Variants in SEZ6L observed in about 807,000 individuals in gnomAD.
SEZ6L encodes seizure 6-like protein.
A neutral mutation model predicts 106.2 loss-of-function variants in SEZ6L; 37 were observed. The ratio of observed to expected loss-of-function variants is 0.35; its 90% confidence interval spans 0.27 to 0.46. The LOEUF is 0.46. Ranked by LOEUF, SEZ6L falls within the 20% of genes least tolerant of loss-of-function variation. The pLI is 1.00. For synonymous variants in SEZ6L, 541 were observed against 570.4 expected, an observed-to-expected ratio of 0.95 and a Z score of 0.73; for missense variants, 1,172 against 1,332.8, an observed-to-expected ratio of 0.88 and a Z score of 1.88.
chr22:26,269,579 C>T (rs941739528), intron 1 of SEZ6L, among the ~76,000 whole-genome samples: 2 of 152,214 alleles, frequency 1.3e-5, no homozygotes, highest in African/African-American at 2.4e-5. Flanking sequence ...AGCTCCCGTC[C>T]TTGCCTTTAT....
chr22:26,382,587 A>T lies in SEZ6L; in HGVS notation c.*2292A>T, dbSNP rs1322104235. 6.6e-6 allele frequency: 1 copy of T among 152,584 alleles called. No homozygotes were observed. The highest frequency in any genetic ancestry group is 6.5e-5 in the Admixed American group (1 of 15,286). The allele number at this position is 152,584 out of a possible 1,614,324, so 9.5% of individuals were successfully genotyped here. A position where few individuals can be genotyped will look rare whatever the true frequency, so the allele number is the denominator to read the frequency against. ...ACCAGTGTCTCAGTTCTGTCTTAGT[A>T]GTACCACACCCGTAACCGTGTTTTA... On this transcript the variant is annotated 3_prime_UTR_variant, in exon 17 of 17. Coordinates refer to ENST00000248933, the MANE Select transcript of SEZ6L (RefSeq NM_021115.5).
At chr22:26,278,323 G>A (rs1000775583) in intron 1 of SEZ6L, among the ~76,000 whole-genome samples, 12 of 152,190 alleles carry the variant, frequency 7.9e-5, no homozygotes, top group African/African-American at 2.7e-4. Flanking sequence ...GGGGGTCCAG[G>A]TGCAATGTGT....
intron 9 of SEZ6L, among the ~76,000 whole-genome samples, chr22:26,333,352 A>G (rs1368776995): frequency 6.6e-6 from 1 of 152,228 alleles, no homozygotes; most frequent in Non-Finnish European, 1.5e-5. Context: ...ATGGCCAACA[A>G]GAAGCCCTAG....
chr22:26,297,178 C>G, intron 4 of SEZ6L, 98 bp downstream of exon 4: 1 of 979,710 alleles, frequency 1.0e-6, no homozygotes, highest in South Asian at 2.1e-5. Context: ...ACCTCTCTGA[C>G]AGTTTGGTAA....
At chr22:26,222,986 CA>C (rs11344783) in intron 1 of SEZ6L, among the ~76,000 whole-genome samples, 84,477 of 146,922 alleles carry the variant, frequency 0.57, 24,426 homozygotes, top group African/African-American at 0.72. Context: ...CAGCCTCCCA[CA>C]AAAAAAAAAA....
intron 1 of SEZ6L, among the ~76,000 whole-genome samples, chr22:26,277,256 A>C (rs1489330026): frequency 6.6e-6 from 1 of 152,084 alleles, no homozygotes; most frequent in African/African-American, 2.4e-5. Flanking sequence ...GAGCCACTGC[A>C]CCCAGACTGA....
At chr22:26,302,065 C>T (rs1187062827) in intron 5 of SEZ6L, among the ~76,000 whole-genome samples, 1 of 152,164 alleles carries the variant, frequency 6.6e-6, no homozygotes, top group African/African-American at 2.4e-5. Context: ...TTCACTTGAA[C>T]TCAGGGAGAT....
chr22:26,317,458 C>G (rs1205482328), intron 9 of SEZ6L, among the ~76,000 whole-genome samples: 1 of 151,588 alleles, frequency 6.6e-6, no homozygotes, highest in African/African-American at 2.4e-5. Flanking sequence ...GGGAGCCTCC[C>G]AGATGGGTGG....
intron 1 of SEZ6L, among the ~76,000 whole-genome samples, chr22:26,259,862 T>A (rs9625005): frequency 0.026 from 3,922 of 152,310 alleles, 80 homozygotes; most frequent in Non-Finnish European, 0.04. Flanking sequence ...ATTTATGTGC[T>A]ATTAAAGAAA....
intron 12 of SEZ6L, among the ~76,000 whole-genome samples, chr22:26,362,078 C>T (rs961855727): frequency 2.6e-5 from 4 of 152,090 alleles, no homozygotes; most frequent in Non-Finnish European, 5.9e-5. Context: ...ATAAAATTCT[C>T]CCTTCCTACA....
intron 6 of SEZ6L, among the ~76,000 whole-genome samples, chr22:26,308,041 C>G (rs2081690062): frequency 6.6e-6 from 1 of 152,048 alleles, no homozygotes; most frequent in African/African-American, 2.4e-5. Context: ...TAAAGGTCAA[C>G]ACACACACAA....
chr22:26,264,279 G>T (rs1251055681), intron 1 of SEZ6L, among the ~76,000 whole-genome samples: 1 of 152,244 alleles, frequency 6.6e-6, no homozygotes, highest in Non-Finnish European at 1.5e-5. Context: ...CACAGGCTTT[G>T]TCAGGGCCCT....
intron 13 of SEZ6L, among the ~76,000 whole-genome samples, chr22:26,371,712 G>A (rs1288839932): frequency 6.6e-6 from 1 of 151,536 alleles, no homozygotes; most frequent in Non-Finnish European, 1.5e-5. Flanking sequence ...CCATTTTGCA[G>A]GTGATCCCTG....
intron 1 of SEZ6L, among the ~76,000 whole-genome samples, chr22:26,283,024 G>A (rs1210672371): frequency 6.6e-6 from 1 of 152,068 alleles, no homozygotes; most frequent in Non-Finnish European, 1.5e-5. Context: ...GGGTTCAAGC[G>A]ATTCTTCTGC....
intron 12 of SEZ6L, among the ~76,000 whole-genome samples, chr22:26,359,485 G>C (rs8138587): frequency 0.076 from 11,587 of 152,158 alleles, 1,553 homozygotes; most frequent in African/African-American, 0.26. Context: ...GTTCTGCGCT[G>C]CATTCTCCTT....
intron 1 of SEZ6L, among the ~76,000 whole-genome samples, chr22:26,232,673 G>T (rs1228969335): frequency 6.6e-6 from 1 of 152,188 alleles, no homozygotes; most frequent in Non-Finnish European, 1.5e-5. Context: ...AGGAGCAATA[G>T]GCTACACCAT....
At chr22:26,329,851 A>G (rs969594435) in intron 9 of SEZ6L, among the ~76,000 whole-genome samples, 1 of 152,216 alleles carries the variant, frequency 6.6e-6, no homozygotes, top group African/African-American at 2.4e-5. Context: ...TGTCCCTTCT[A>G]AGGCCTTCAA....
At chr22:26,230,016 G>A (rs981442968) in intron 1 of SEZ6L, among the ~76,000 whole-genome samples, 3 of 152,178 alleles carry the variant, frequency 2.0e-5, no homozygotes, top group African/African-American at 7.2e-5. Flanking sequence ...ATAATCTCCT[G>A]GGCACAGCAT....
intron 1 of SEZ6L, among the ~76,000 whole-genome samples, chr22:26,240,526 C>G (rs1434563472): frequency 6.6e-6 from 1 of 152,100 alleles, no homozygotes; most frequent in Non-Finnish European, 1.5e-5. Context: ...CCATCCAGTC[C>G]TGACAGACAG....
Sources: gnomAD v4.1 joint callset for allele counts (sites outside exome capture counted in the v4.1 genomes callset) on GRCh38, gnomAD v4.1.1 for gene constraint, MANE v1.5 for transcripts, NCBI Gene and HGNC (gene_info 2026-07-23, HGNC 2026-07-21) for gene names.